The following TBC1D4 variants were observed in gnomAD, a reference collection of about 807,000 sequenced individuals.
TBC1D4 encodes the protein TBC1 domain family member 4, also known as TBC (Tre-2, BUB2, CDC16) domain-containing protein.
A neutral mutation model predicts 142.5 loss-of-function variants in TBC1D4; 121 were observed. The ratio of observed to expected loss-of-function variants is 0.85; its 90% CI spans 0.73 to 0.99. TBC1D4 has a LOEUF of 0.99. TBC1D4 is among the 50% of genes least tolerant of loss of function. The pLI is 0.00. For synonymous variants in TBC1D4, 630 were observed against 628.2 expected (o/e 1.00, Z -0.04); for missense variants, 1,475 against 1,606.6 (o/e 0.92, Z 1.40).
intron 1 of TBC1D4, among the ~76,000 whole-genome samples, chr13:75,423,254 T>TG (rs1177141464): frequency 1.3e-5 from 2 of 150,172 alleles, no homozygotes; most frequent in African/African-American, 5.0e-5. Flanking sequence ...TGTATGTAAG[T>TG]GTTTTTTTTT....
At chr13:75,445,370 C>T (rs1367756154) in intron 1 of TBC1D4, among the ~76,000 whole-genome samples, 1 of 152,152 alleles carries the variant, frequency 6.6e-6, no homozygotes, top group African/African-American at 2.4e-5. Flanking sequence ...GTCTACATGA[C>T]ACACTGGGCT....
chr13:75,431,823 A>G (rs1719793785), intron 1 of TBC1D4, among the ~76,000 whole-genome samples: 2 of 152,192 alleles, frequency 1.3e-5, no homozygotes, highest in Admixed American at 1.3e-4. Context: ...TAGAAATAGG[A>G]TATGAAAGAA....
At chr13:75,299,219 T>A (rs1876258093) in intron 17 of TBC1D4, 111 bp downstream of exon 17, 2 of 1,563,812 alleles carry the variant, frequency 1.3e-6, no homozygotes, top group African/African-American at 1.3e-5. Flanking sequence ...TTACCCAAGT[T>A]CTAAGACAAT....
At position 75,464,556 on chromosome 13, in the gene TBC1D4, C is replaced by T. The variant is rs143903528; in HGVS notation, c.498+16714G>A. Among the ~76,000 whole-genome samples, 644 of 152,368 alleles carry T rather than the reference C, an allele frequency of 4.2e-3. 12 individuals carry two copies. Among genetic ancestry groups the T allele is most frequent in the African/African-American group, 0.015 (627 of 41,592 alleles). Reference sequence around the variant, plus strand: ...TGTGGGTAAAACTCTGTTCAGGGCTCTCAGCTCTGAAGGCTGTCAGCCCCC... The same window carrying T: ...TGTGGGTAAAACTCTGTTCAGGGCTTTCAGCTCTGAAGGCTGTCAGCCCCC... On this transcript the variant is annotated intron_variant, in intron 1 of 20. Coordinates refer to ENST00000377636, the MANE Select transcript of TBC1D4 (RefSeq NM_014832.5).
intron 14 of TBC1D4, among the ~76,000 whole-genome samples, chr13:75,309,645 C>T (rs1478339521): frequency 6.6e-6 from 1 of 152,126 alleles, no homozygotes; most frequent in Admixed American, 6.5e-5. Flanking sequence ...TACATTGATT[C>T]CATATTATCT....
intron 5 of TBC1D4, among the ~76,000 whole-genome samples, chr13:75,348,011 C>T (rs1420911792): frequency 6.6e-6 from 1 of 152,096 alleles, no homozygotes; most frequent in Admixed American, 6.6e-5. Flanking sequence ...TGTGGTGGCA[C>T]ACACCTGTTG....
At chr13:75,316,568 A>G (rs1449670325) in intron 12 of TBC1D4, 2 of 152,250 alleles carry the variant, frequency 1.3e-5, no homozygotes, top group Non-Finnish European at 2.9e-5. Context: ...TGCTTTTAAT[A>G]AGAGAAGATC....
At chr13:75,370,878 A>G (rs1296091715) in intron 1 of TBC1D4, among the ~76,000 whole-genome samples, 1 of 152,186 alleles carries the variant, frequency 6.6e-6, no homozygotes, top group Non-Finnish European at 1.5e-5. Flanking sequence ...TATAGAAGAC[A>G]GAGAGAGAAA....
At chr13:75,411,436 T>C (rs1885654472) in intron 1 of TBC1D4, among the ~76,000 whole-genome samples, 1 of 152,148 alleles carries the variant, frequency 6.6e-6, no homozygotes, top group African/African-American at 2.4e-5. Context: ...GGCCATTTGG[T>C]TAAAGTGTTT....
chr13:75,398,216 T>A (rs74602578), intron 1 of TBC1D4, among the ~76,000 whole-genome samples: 1 of 152,228 alleles, frequency 6.6e-6, no homozygotes, highest in Non-Finnish European at 1.5e-5. Context: ...GTACTAAGTA[T>A]ATAAACGTTG....
chr13:75,302,113 C>T, intron 16 of TBC1D4, 130 bp downstream of exon 16: 7 of 1,139,944 alleles, frequency 6.1e-6, no homozygotes, highest in South Asian at 1.3e-5. Context: ...CAGTAAAGGA[C>T]AAAGTCAACG....
intron 8 of TBC1D4, among the ~76,000 whole-genome samples, chr13:75,335,018 C>G (rs1407140137): frequency 8.2e-6 from 1 of 122,208 alleles, no homozygotes; most frequent in African/African-American, 2.9e-5. Context: ...CCTCATCCCA[C>G]CCAGGCTGTG....
intron 2 of TBC1D4, among the ~76,000 whole-genome samples, chr13:75,361,053 G>A (rs1467819387): frequency 6.6e-6 from 1 of 152,170 alleles, no homozygotes; most frequent in Non-Finnish European, 1.5e-5. Flanking sequence ...ACTCTCTACA[G>A]AGTATTGTTA....
intron 5 of TBC1D4, among the ~76,000 whole-genome samples, chr13:75,345,561 T>A (rs1003620800): frequency 6.6e-6 from 1 of 152,130 alleles, no homozygotes; most frequent in Non-Finnish European, 1.5e-5. Flanking sequence ...CAATTCTGAA[T>A]TCATAATTGT....
intron 10 of TBC1D4, 34 bp from the exon 11 acceptor site, chr13:75,324,435 T>C (rs1256386452): frequency 6.2e-7 from 1 of 1,611,096 alleles, no homozygotes; most frequent in Non-Finnish European, 8.5e-7. Flanking sequence ...TATGTCTTAA[T>C]TTATATTTTG....
intron 15 of TBC1D4, among the ~76,000 whole-genome samples, chr13:75,305,676 G>A (rs1376041268): frequency 3.3e-5 from 5 of 152,168 alleles, no homozygotes; most frequent in Non-Finnish European, 7.4e-5. Context: ...TACACCCACA[G>A]TTTATGCAGG....
chr13:75,398,017 G>C (rs1003100251), intron 1 of TBC1D4, among the ~76,000 whole-genome samples: 8 of 152,178 alleles, frequency 5.3e-5, no homozygotes, highest in African/African-American at 1.9e-4. Context: ...ACGCTGTGAG[G>C]AAGGCCAAGC....
chr13:75,288,213 C>G (rs911320843), intron 20 of TBC1D4, among the ~76,000 whole-genome samples: 1 of 151,672 alleles, frequency 6.6e-6, no homozygotes, highest in South Asian at 2.1e-4. Flanking sequence ...GACATGTCTC[C>G]CTCTCTTCCA....
intron 1 of TBC1D4, among the ~76,000 whole-genome samples, chr13:75,419,672 A>C (rs1886080904): frequency 6.6e-6 from 1 of 152,228 alleles, no homozygotes; most frequent in Non-Finnish European, 1.5e-5. Context: ...TGAAGTGGGC[A>C]TCACACATTA....
Sources: gnomAD v4.1 joint callset for allele counts (sites outside exome capture counted in the v4.1 genomes callset) on GRCh38, gnomAD v4.1.1 for gene constraint, MANE v1.5 for transcripts, NCBI Gene and HGNC (gene_info 2026-07-23, HGNC 2026-07-21) for gene names.